The following SLC14A2 variants were observed in gnomAD, a reference collection of about 807,000 sequenced individuals.
The protein encoded by SLC14A2 is urea transporter 2.
A neutral mutation model predicts 104.6 loss-of-function variants in SLC14A2; 91 were observed. The observed-to-expected ratio is 0.87, with a 90% CI of 0.73 to 1.04. The LOEUF (loss-of-function observed/expected upper bound fraction) is 1.04, where lower values mean the gene tolerates loss of function less well. Among genes scored for constraint, SLC14A2 ranks in the 50% least tolerant of loss-of-function variants. The pLI is 0.00. For missense variants in SLC14A2, 1,189 were observed against 1,156.0 expected, an observed-to-expected ratio of 1.03 and a Z score of -0.41; for synonymous variants, 476 against 466.4, an observed-to-expected ratio of 1.02 and a Z score of -0.27.
At chr18:45,605,463 C>T (rs539587643) in intron 2 of SLC14A2, among the ~76,000 whole-genome samples, 3 of 151,966 alleles carry the variant, frequency 2.0e-5, no homozygotes, top group African/African-American at 7.2e-5. Context: ...CCCGGGGGCA[C>T]AAAGAAGCAT....
intron 1 of SLC14A2, among the ~76,000 whole-genome samples, chr18:45,392,061 T>A (rs902590646): frequency 3.9e-5 from 6 of 152,238 alleles, no homozygotes; most frequent in African/African-American, 1.2e-4. Context: ...AGGTAAGCAA[T>A]GTCTAGAGAA....
chr18:45,492,940 T>C (rs534055877), intron 2 of SLC14A2: 1 of 152,380 alleles, frequency 6.6e-6, no homozygotes, highest in South Asian at 2.1e-4. Flanking sequence ...ACTCGCTCTC[T>C]TTCCCTTACT....
In SLC14A2 at chr18:45,262,366, T is replaced by C. The variant is rs1466049163; in HGVS notation, c.-125+49175T>C. Among the ~76,000 whole-genome samples, 8 of 152,060 alleles carry C rather than the reference T, an allele frequency of 5.3e-5. No homozygotes were observed. In the East Asian group the frequency reaches 1.4e-3, roughly 26 times the overall value. On this transcript the variant is annotated intron_variant, in intron 1 of 20. Transcript: ENST00000586448. ...AGCCTGGGCCCTCCACCACTGTACA[T>C]GCTGCCCCTTGGGAAACACTGTGAT...
intron 1 of SLC14A2, among the ~76,000 whole-genome samples, chr18:45,233,963 G>A (rs945865218): frequency 4.0e-5 from 6 of 151,770 alleles, no homozygotes; most frequent in Non-Finnish European, 8.8e-5. Flanking sequence ...TTAGCAGAAT[G>A]CAAGCTTAAT....
At chr18:45,497,182 G>C (rs939821826) in intron 2 of SLC14A2, among the ~76,000 whole-genome samples, 1 of 152,178 alleles carries the variant, frequency 6.6e-6, no homozygotes, top group Non-Finnish European at 1.5e-5. Context: ...GAGGCAGAAA[G>C]TGATTGCTGG....
At chr18:45,440,963 G>A (rs1022085719) in intron 1 of SLC14A2, among the ~76,000 whole-genome samples, 14 of 152,136 alleles carry the variant, frequency 9.2e-5, no homozygotes, top group Admixed American at 4.6e-4. Flanking sequence ...CCAGGCTGCC[G>A]TGTTCGTGCT....
At chr18:45,623,764 A>G (rs1163026808) in intron 1 of SLC14A2, among the ~76,000 whole-genome samples, 2 of 152,158 alleles carry the variant, frequency 1.3e-5, no homozygotes, top group Non-Finnish European at 2.9e-5. Context: ...CACTGAAGGG[A>G]TGCAGCATGG....
intron 2 of SLC14A2, among the ~76,000 whole-genome samples, chr18:45,542,899 A>C (rs556523159): frequency 3.1e-4 from 47 of 151,742 alleles, no homozygotes; most frequent in African/African-American, 1.1e-3. Context: ...TAATATTTTT[A>C]TATAATCATT....
chr18:45,519,526 T>C (rs1158831461), intron 2 of SLC14A2, among the ~76,000 whole-genome samples: 2 of 152,114 alleles, frequency 1.3e-5, no homozygotes, highest in African/African-American at 4.8e-5. Context: ...CACATACACC[T>C]CACTCACTCA....
chr18:45,176,949 T>A, the SLC14A2 span, among the ~76,000 whole-genome samples: 3 of 152,196 alleles, frequency 2.0e-5, no homozygotes, highest in Admixed American at 6.5e-5. Flanking sequence ...CTTTTGACAT[T>A]TCTACTTGGA....
At chr18:45,631,867 C>T (rs1266484901) in intron 4 of SLC14A2, among the ~76,000 whole-genome samples, 1 of 152,200 alleles carries the variant, frequency 6.6e-6, no homozygotes, top group Non-Finnish European at 1.5e-5. Context: ...CATCTTCCCA[C>T]CTTGGACTCC....
chr18:45,530,889 C>G (rs2043674594), intron 2 of SLC14A2, among the ~76,000 whole-genome samples: 1 of 152,022 alleles, frequency 6.6e-6, no homozygotes, highest in African/African-American at 2.4e-5. Flanking sequence ...GTGATGTTCC[C>G]CTTCCTATGT....
chr18:45,629,098 G>A (rs954072985), intron 4 of SLC14A2, among the ~76,000 whole-genome samples: 1 of 152,182 alleles, frequency 6.6e-6, no homozygotes, highest in African/African-American at 2.4e-5. Context: ...CACCTGTGAG[G>A]ACAACATGGT....
intron 1 of SLC14A2, among the ~76,000 whole-genome samples, chr18:45,248,641 C>G (rs749165574): frequency 2.0e-5 from 3 of 152,222 alleles, no homozygotes; most frequent in Non-Finnish European, 2.9e-5. Context: ...AGACATGGCT[C>G]TCCAACCAAT....
At chr18:45,680,574 C>G (rs1555639940) in intron 19 of SLC14A2, among the ~76,000 whole-genome samples, 6 of 152,182 alleles carry the variant, frequency 3.9e-5, no homozygotes, top group Non-Finnish European at 8.8e-5. Context: ...GAGCTGTACT[C>G]TTTTGTTTTC....
At chr18:45,582,762 C>T (rs1284023218) in intron 2 of SLC14A2, among the ~76,000 whole-genome samples, 1 of 152,160 alleles carries the variant, frequency 6.6e-6, no homozygotes, top group African/African-American at 2.4e-5. Flanking sequence ...CATTCCCACA[C>T]TGATGTCACT....
At chr18:45,417,490 A>C (rs1184942288) in intron 1 of SLC14A2, among the ~76,000 whole-genome samples, 2 of 152,222 alleles carry the variant, frequency 1.3e-5, no homozygotes, top group Non-Finnish European at 2.9e-5. Context: ...TCTTCTTCAC[A>C]TGATGGCAGG....
At chr18:45,181,806 TTAATA>T in the SLC14A2 span, among the ~76,000 whole-genome samples, 3 of 147,068 alleles carry the variant, frequency 2.0e-5, no homozygotes, top group Admixed American at 6.8e-5. Context: ...ACAGTTTACT[TTAATA>T]TATCTGTGCG....
At chr18:45,420,510 G>A (rs1318086142) in intron 1 of SLC14A2, among the ~76,000 whole-genome samples, 4 of 152,116 alleles carry the variant, frequency 2.6e-5, no homozygotes, top group African/African-American at 7.2e-5. Flanking sequence ...ACATGTGGAT[G>A]TGTCAGGTTC....
Sources: gnomAD v4.1 joint callset for allele counts (sites outside exome capture counted in the v4.1 genomes callset) on GRCh38, gnomAD v4.1.1 for gene constraint, MANE v1.5 for transcripts, NCBI Gene and HGNC (gene_info 2026-07-23, HGNC 2026-07-21) for gene names.